The following SLC5A12 variants were observed in gnomAD, a reference collection of about 807,000 sequenced individuals.
SLC5A12 encodes the protein sodium-coupled monocarboxylate transporter 2.
SLC5A12 carries 46 observed loss-of-function variants against 72.7 expected under a neutral mutation model. The ratio of observed to expected loss-of-function variants is 0.63; its 90% CI spans 0.50 to 0.81. The LOEUF is 0.81. SLC5A12 is among the 30% of genes least tolerant of loss of function. The pLI, the probability that SLC5A12 is intolerant of heterozygous loss-of-function variation, is 0.00. For missense variants in SLC5A12, 683 were observed against 740.7 expected, an observed-to-expected ratio of 0.92 and a Z score of 0.90; for synonymous variants, 275 against 264.4, an observed-to-expected ratio of 1.04 and a Z score of -0.39.
chr11:26,697,040 C>G, intron 8 of SLC5A12, 124 bp downstream of exon 8: 1 of 785,110 alleles, frequency 1.3e-6, no homozygotes, highest in Admixed American at 2.4e-5. Flanking sequence ...TGAGCAAATA[C>G]AAATAACACA....
At chr11:26,689,843 A>G (rs1854624404) in intron 9 of SLC5A12, among the ~76,000 whole-genome samples, 1 of 152,200 alleles carries the variant, frequency 6.6e-6, no homozygotes, top group Non-Finnish European at 1.5e-5. Flanking sequence ...AAGCAAGTAT[A>G]GGAAAATAAT....
At chr11:26,719,309 G>A (rs1246108975) in intron 1 of SLC5A12, among the ~76,000 whole-genome samples, 1 of 152,092 alleles carries the variant, frequency 6.6e-6, no homozygotes. Flanking sequence ...GAGCATTACG[G>A]CATTAAAATA....
intron 3 of SLC5A12, among the ~76,000 whole-genome samples, chr11:26,709,679 A>G (rs1396757257): frequency 6.6e-6 from 1 of 152,072 alleles, no homozygotes; most frequent in Non-Finnish European, 1.5e-5. Flanking sequence ...GTTTTTCTCA[A>G]CAAAGTTAGT....
Position 26,711,348 on chromosome 11 carries a change from G to A in SLC5A12, c.416C>T (p.Thr139Ile). 1.9e-6 allele frequency: 3 copies of A among 1,611,570 alleles called. No individual in the cohort carries two copies. The highest frequency in any genetic ancestry group is 2.5e-6 in the Non-Finnish European group (3 of 1,178,398). Residue 139 changes from threonine to isoleucine, a missense_variant, in exon 3 of 15, where the codon ACA becomes ATA. Coordinates refer to ENST00000396005, the MANE Select transcript of SLC5A12 (RefSeq NM_178498.4). ...GGCAGGAGCATACACCACCACTCCT[G>A]TGTAGAGAATCTGGTAGAGAAACAA... Reference protein sequence around the residue: ...VIYIVQTILYTGVVVYAPALA... With the variant: ...VIYIVQTILYIGVVVYAPALA...
intron 1 of SLC5A12, 31 bp from the exon 2 acceptor site, chr11:26,712,737 G>C: frequency 6.5e-7 from 1 of 1,536,664 alleles, no homozygotes; most frequent in Non-Finnish European, 8.9e-7. Flanking sequence ...TGCAGAGTCA[G>C]TGAGGTTTAG....
In SLC5A12 at chr11:26,678,049, A is replaced by G. The variant is rs759956505; in HGVS notation, c.1579+663T>C. ...ATGGATGGTAGACACTTTGCTAAAA[A>G]TGGCTTACAGTGAAGCTGCTCACTG... On this transcript the variant is annotated intron_variant, in intron 13 of 14. Transcript: ENST00000396005. 3.3e-5 allele frequency among the ~76,000 whole-genome samples: 5 copies of G among 152,208 alleles called. 1 individual carries two copies. In the South Asian group the frequency reaches 1.0e-3, roughly 32 times the overall value.
chr11:26,708,510 T>C (rs1318360392), intron 4 of SLC5A12, among the ~76,000 whole-genome samples: 1 of 152,112 alleles, frequency 6.6e-6, no homozygotes, highest in Non-Finnish European at 1.5e-5. Context: ...GATATGCACA[T>C]AACACCAAAA....
At chr11:26,714,970 A>G (rs971631679) in intron 1 of SLC5A12, among the ~76,000 whole-genome samples, 3 of 152,180 alleles carry the variant, frequency 2.0e-5, no homozygotes, top group Non-Finnish European at 4.4e-5. Flanking sequence ...AAAATATTAC[A>G]GAGGAAGGGA....
intron 14 of SLC5A12, among the ~76,000 whole-genome samples, chr11:26,671,636 C>G (rs1177998992): frequency 1.3e-5 from 2 of 152,044 alleles, no homozygotes; most frequent in Non-Finnish European, 2.9e-5. Flanking sequence ...CTGATAAAAA[C>G]AGGGACACCT....
At chr11:26,684,880 G>A (rs973941437) in intron 10 of SLC5A12, among the ~76,000 whole-genome samples, 1 of 152,138 alleles carries the variant, frequency 6.6e-6, no homozygotes, top group African/African-American at 2.4e-5. Context: ...AAGCAACTTG[G>A]AAATATAGGT....
chr11:26,677,093 G>A (rs980880141), intron 13 of SLC5A12, among the ~76,000 whole-genome samples: 1 of 151,574 alleles, frequency 6.6e-6, no homozygotes, highest in Non-Finnish European at 1.5e-5. Flanking sequence ...AGGTTATCAG[G>A]CTAGCCCTAA....
rs1854097607 is a variant in SLC5A12, at chr11:26,669,815, C to T, written c.*1287G>A. On this transcript the variant is annotated 3_prime_UTR_variant, in exon 15 of 15. Coordinates refer to ENST00000396005, the MANE Select transcript of SLC5A12 (RefSeq NM_178498.4). ...GGACCATTTCTTCTTACTTTGCTAACACACTGTTTCTAGGCCTTTTGCTTT... is the reference window on the plus strand; with the variant it reads ...GGACCATTTCTTCTTACTTTGCTAATACACTGTTTCTAGGCCTTTTGCTTT... 1 of 152,082 alleles carries T rather than the reference C, an allele frequency of 6.6e-6. No individual in the cohort carries two copies. The highest frequency in any genetic ancestry group is 2.4e-5 in the African/African-American group (1 of 41,432). 9.4% of individuals were successfully genotyped at this position (152,082 alleles called of 1,614,324 possible). A position where few individuals can be genotyped will look rare whatever the true frequency, so the allele number is the denominator to read the frequency against.
rs191256198 is a variant in SLC5A12, at chr11:26,674,333, A to G, written c.1580-804T>C. Among the ~76,000 whole-genome samples the G allele has an allele frequency of 4.0e-4, 61 of 151,540 alleles. 1 individual carries two copies. The East Asian group carries it at 0.011, about 28-fold the overall frequency. ...ATCAAATTTCTTTTAAGTGCCAGAT[A>G]CTGTGACCATCCACAAACTTTTTCT... On this transcript the variant is annotated intron_variant, in intron 13 of 14. Coordinates refer to ENST00000396005, the MANE Select transcript of SLC5A12 (RefSeq NM_178498.4).
At chr11:26,713,309 C>T (rs1855275813) in intron 1 of SLC5A12, among the ~76,000 whole-genome samples, 1 of 152,104 alleles carries the variant, frequency 6.6e-6, no homozygotes, top group Admixed American at 6.6e-5. Context: ...CTAACCTTCA[C>T]ATAATTTATT....
Position 26,703,962 on chromosome 11 carries a change from ATGTT to A in SLC5A12, c.526-19_526-16del, listed in dbSNP as rs763822462. ...TTTAATCCTCCCTGAAATAGAGAGA[ATGTT>A]TGAGTCCTTGAAAACAAACCCTGTA... On this transcript the variant is annotated splice_polypyrimidine_tract_variant and intron_variant, in intron 4 of 14. Coordinates refer to ENST00000396005, the MANE Select transcript of SLC5A12 (RefSeq NM_178498.4). The A allele has an allele frequency of 1.3e-5, 21 of 1,613,006 alleles. No homozygotes were observed. The highest frequency in any genetic ancestry group is 1.6e-4 in the Middle Eastern group (1 of 6,062).
intron 6 of SLC5A12, among the ~76,000 whole-genome samples, chr11:26,700,610 G>A (rs1474653205): frequency 6.6e-6 from 1 of 152,100 alleles, no homozygotes; most frequent in Admixed American, 6.5e-5. Context: ...ACTGTGTGTA[G>A]ATGTGCTCAT....
Position 26,671,138 on chromosome 11 carries a change from G to A in SLC5A12, c.1821C>T (p.Ser607=), listed in dbSNP as rs745748687. 1 of 1,612,462 alleles carries A rather than the reference G, an allele frequency of 6.2e-7. No homozygotes were observed. The stretch of plus-strand genomic sequence containing the variant: ...TAGTCTCAAATGCCATATTGTTGTA[G>A]CTTTTGTCCTTAGGATCATAGCCTG... ...HVPGYDPKDK[S]YNNMAFETTH... The change falls in exon 15 of 15, where the codon AGC becomes AGT. Residue 607 remains serine, a synonymous_variant. Transcript: ENST00000396005.
In SLC5A12 at chr11:26,714,423, G is replaced by C. The variant is rs146185051; in HGVS notation, c.340-1717C>G. 1.3e-3 allele frequency among the ~76,000 whole-genome samples: 205 copies of C among 152,148 alleles called. 2 individuals carry two copies. The highest frequency in any genetic ancestry group is 4.4e-3 in the African/African-American group (183 of 41,538). On this transcript the variant is annotated intron_variant, in intron 1 of 14. Transcript: ENST00000396005. Reference sequence around the variant, plus strand: ...CTAATGGAAGTAAAGTTGCAATTGTGATATGTACTACAAGAGCTAAAAGTA... The same window carrying C: ...CTAATGGAAGTAAAGTTGCAATTGTCATATGTACTACAAGAGCTAAAAGTA...
intron 6 of SLC5A12, among the ~76,000 whole-genome samples, chr11:26,702,348 A>T (rs1318829317): frequency 6.6e-6 from 1 of 152,228 alleles, no homozygotes. Context: ...TTCAACTTAC[A>T]AAATGGTTGA....
Sources: allele counts gnomAD v4.1 joint callset (sites outside exome capture counted in the v4.1 genomes callset), GRCh38; gene constraint gnomAD v4.1.1; transcripts MANE v1.5; gene names NCBI Gene and HGNC (gene_info 2026-07-23, HGNC 2026-07-21).